Variants in MGMT observed in about 807,000 individuals in gnomAD.
The protein encoded by MGMT is methylated-DNA--protein-cysteine methyltransferase.
Under a neutral mutation model 15.9 loss-of-function variants are expected in MGMT, and 14 were observed. The ratio of observed to expected loss-of-function variants is 0.88; its 90% CI spans 0.58 to 1.37. The LOEUF is 1.37. Ranked by LOEUF, MGMT falls within the 40% of genes most tolerant of loss-of-function variation. The probability of loss-of-function intolerance (pLI) is 0.00; values close to 1 mark genes in which losing one functional copy is unlikely to be tolerated. For synonymous variants in MGMT, 130 were observed against 118.2 expected (o/e 1.10, Z -0.65); for missense variants, 282 against 268.1 (o/e 1.05, Z -0.36).
rs2133185347 is a variant in MGMT, at chr10:129,759,360, A to G, written c.414+19A>G. On this transcript the variant is annotated intron_variant, in intron 4 of 4. Coordinates refer to ENST00000651593, the MANE Select transcript of MGMT (RefSeq NM_002412.5). ...CAATCCTGTGAGTTCTCATGGCGCAAGCATGGCTGTGGGTGGCGGGTGCGT... is the reference window on the plus strand; with the variant it reads ...CAATCCTGTGAGTTCTCATGGCGCAGGCATGGCTGTGGGTGGCGGGTGCGT... 1 of 1,614,000 alleles carries G rather than the reference A, an allele frequency of 6.2e-7. No homozygotes were observed. Among genetic ancestry groups the G allele is most frequent in the East Asian group, 2.2e-5 (1 of 44,876 alleles).
intron 2 of MGMT, among the ~76,000 whole-genome samples, chr10:129,561,757 G>T (rs1846281605): frequency 6.6e-6 from 1 of 151,990 alleles, no homozygotes; most frequent in Admixed American, 6.6e-5. Flanking sequence ...CATAATTTTT[G>T]TTTAATGGCT....
At chr10:129,634,276 C>T (rs1847241919) in intron 2 of MGMT, among the ~76,000 whole-genome samples, 1 of 152,028 alleles carries the variant, frequency 6.6e-6, no homozygotes, top group East Asian at 1.9e-4. Context: ...GTTGTAAGGC[C>T]CCTTATCAAT....
intron 2 of MGMT, among the ~76,000 whole-genome samples, chr10:129,629,161 C>G (rs1847183607): frequency 6.6e-6 from 1 of 152,248 alleles, no homozygotes; most frequent in Non-Finnish European, 1.5e-5. Context: ...TAGGTCTTCC[C>G]TTGTGAGTGG....
At chr10:129,705,459 T>C (rs908198440) in intron 2 of MGMT, among the ~76,000 whole-genome samples, 8 of 152,254 alleles carry the variant, frequency 5.3e-5, no homozygotes, top group African/African-American at 1.9e-4. Context: ...ACGTGTAAGC[T>C]ATAGTTATCT....
At chr10:129,474,946 T>C (rs1845274034) in intron 1 of MGMT, among the ~76,000 whole-genome samples, 1 of 152,034 alleles carries the variant, frequency 6.6e-6, no homozygotes, top group African/African-American at 2.4e-5. Flanking sequence ...CCATACATTT[T>C]GTAGGTACTG....
At chr10:129,598,187 C>A (rs1441328045) in intron 2 of MGMT, among the ~76,000 whole-genome samples, 1 of 152,148 alleles carries the variant, frequency 6.6e-6, no homozygotes, top group Non-Finnish European at 1.5e-5. Context: ...ATGGAGCATC[C>A]CTGGTCGAGT....
chr10:129,630,514 C>G (rs938859763), intron 2 of MGMT, among the ~76,000 whole-genome samples: 28 of 152,178 alleles, frequency 1.8e-4, no homozygotes, highest in Admixed American at 1.8e-3. Context: ...TATTTTCTTT[C>G]TCATAATGCT....
intron 1 of MGMT, among the ~76,000 whole-genome samples, chr10:129,517,717 C>A (rs1238029411): frequency 6.6e-6 from 1 of 152,192 alleles, no homozygotes; most frequent in Non-Finnish European, 1.5e-5. Flanking sequence ...GTCTGGGGCC[C>A]TGTTTGCTCA....
intron 3 of MGMT, among the ~76,000 whole-genome samples, chr10:129,733,392 T>A (rs1355558192): frequency 2.6e-5 from 4 of 152,052 alleles, no homozygotes; most frequent in African/African-American, 9.7e-5. Context: ...TTCGCCCACT[T>A]TTTTGATGGG....
intron 3 of MGMT, among the ~76,000 whole-genome samples, chr10:129,717,408 A>G (rs1848312059): frequency 6.6e-6 from 1 of 152,328 alleles, no homozygotes; most frequent in Admixed American, 6.5e-5. Flanking sequence ...GGACCTGGGT[A>G]TTGGAACAGA....
intron 2 of MGMT, among the ~76,000 whole-genome samples, chr10:129,704,594 G>C (rs771514095): frequency 5.3e-5 from 8 of 152,078 alleles, no homozygotes; most frequent in Non-Finnish European, 7.4e-5. Flanking sequence ...TCACAGGTCC[G>C]ACTGCTGGTC....
intron 1 of MGMT, among the ~76,000 whole-genome samples, chr10:129,501,627 C>T (rs1344716158): frequency 2.6e-5 from 4 of 152,202 alleles, no homozygotes; most frequent in Non-Finnish European, 5.9e-5. Context: ...TGTTTATCAT[C>T]AAGATAAGCA....
chr10:129,712,525 T>C (rs1848244291), intron 3 of MGMT, among the ~76,000 whole-genome samples: 2 of 152,138 alleles, frequency 1.3e-5, no homozygotes, highest in Admixed American at 1.3e-4. Flanking sequence ...TTTTTGTGTC[T>C]CCATCGAATT....
chr10:129,708,201 C>T (rs964851076), intron 3 of MGMT, among the ~76,000 whole-genome samples, 158 bp downstream of exon 3: 10 of 152,092 alleles, frequency 6.6e-5, no homozygotes, highest in African/African-American at 4.8e-5. Context: ...GGGGGTTCGC[C>T]GCCTCCACCC....
intron 2 of MGMT, among the ~76,000 whole-genome samples, chr10:129,690,045 A>G (rs1260850762): frequency 1.3e-5 from 2 of 152,224 alleles, no homozygotes; most frequent in Non-Finnish European, 2.9e-5. Context: ...GGTGGAACCG[A>G]AAGCTGAAAA....
intron 2 of MGMT, among the ~76,000 whole-genome samples, chr10:129,567,639 A>C (rs1846371958): frequency 6.6e-6 from 1 of 152,136 alleles, no homozygotes; most frequent in African/African-American, 2.4e-5. Flanking sequence ...AGTAGTAATA[A>C]AAGCACGGGT....
intron 2 of MGMT, among the ~76,000 whole-genome samples, chr10:129,592,678 A>C (rs1427516286): frequency 6.6e-6 from 1 of 152,214 alleles, no homozygotes; most frequent in African/African-American, 2.4e-5. Flanking sequence ...CCTGCACGTC[A>C]GCCAGAGCCC....
chr10:129,600,059 T>G (rs924782532), intron 2 of MGMT, among the ~76,000 whole-genome samples: 1 of 152,208 alleles, frequency 6.6e-6, no homozygotes, highest in African/African-American at 2.4e-5. Context: ...ATGAACAAAT[T>G]TGAAACCTGT....
intron 2 of MGMT, among the ~76,000 whole-genome samples, chr10:129,680,784 G>A (rs1004808036): frequency 1.3e-5 from 2 of 152,128 alleles, no homozygotes; most frequent in South Asian, 2.1e-4. Context: ...TGCTTCCCCC[G>A]TGTGCCTGTG....
Sources: gnomAD v4.1 joint callset for allele counts (sites outside exome capture counted in the v4.1 genomes callset) on GRCh38, gnomAD v4.1.1 for gene constraint, MANE v1.5 for transcripts, NCBI Gene and HGNC (gene_info 2026-07-23, HGNC 2026-07-21) for gene names.